Variants in NRXN3 observed in about 807,000 individuals in gnomAD.
NRXN3 encodes the protein neurexin III.
A neutral mutation model predicts 137.6 loss-of-function variants in NRXN3; 32 were observed. The observed-to-expected ratio is 0.23, with a 90% CI of 0.18 to 0.31. The LOEUF is 0.31. NRXN3 is among the 10% of genes least tolerant of loss of function. The pLI, the probability that NRXN3 is intolerant of heterozygous loss-of-function variation, is 1.00. For synonymous variants in NRXN3, 798 were observed against 784.5 expected, an observed-to-expected ratio of 1.02 and a Z score of -0.29; for missense variants, 1,574 against 2,062.5, an observed-to-expected ratio of 0.76 and a Z score of 4.59.
intron 4 of NRXN3, among the ~76,000 whole-genome samples, chr14:78,616,727 A>G (rs1410221835): frequency 1.3e-5 from 2 of 152,222 alleles, no homozygotes; most frequent in Non-Finnish European, 2.9e-5. Flanking sequence ...GGCAAGGGTG[A>G]TGTGAGATAA....
At chr14:78,808,310 C>G (rs1452695249) in intron 9 of NRXN3, among the ~76,000 whole-genome samples, 2 of 152,220 alleles carry the variant, frequency 1.3e-5, no homozygotes, top group Non-Finnish European at 2.9e-5. Flanking sequence ...GCCACCACCT[C>G]TCACTAGGCC....
chr14:78,840,142 G>C (rs1409580870), intron 10 of NRXN3, among the ~76,000 whole-genome samples: 1 of 152,172 alleles, frequency 6.6e-6, no homozygotes, highest in Non-Finnish European at 1.5e-5. Flanking sequence ...TATTTGAGTA[G>C]TGAGAATTAA....
rs117672717 is a variant in NRXN3, at chr14:78,220,061, C to T, written c.-703-22330C>T. 5.9e-4 allele frequency among the ~76,000 whole-genome samples: 89 copies of T among 151,982 alleles called. No homozygotes were observed. The East Asian group carries it at 0.015, about 26-fold the overall frequency. ...AGTGTGAGAGAGAGGAGATGAAGAG[C>T]GTGGGATAATGCCCAGGTTGCTAGC... is the stretch of plus-strand genomic sequence containing the variant. On this transcript the variant is annotated intron_variant, in intron 1 of 20. Transcript: ENST00000335750.
At chr14:78,509,416 T>C (rs1421453143) in intron 4 of NRXN3, among the ~76,000 whole-genome samples, 1 of 152,216 alleles carries the variant, frequency 6.6e-6, no homozygotes, top group Non-Finnish European at 1.5e-5. Context: ...TTTGAAAATC[T>C]AAATGAGACT....
chr14:79,539,866 A>G (rs1016575314), intron 16 of NRXN3, among the ~76,000 whole-genome samples: 19 of 151,960 alleles, frequency 1.3e-4, no homozygotes, highest in Admixed American at 1.2e-3. Flanking sequence ...TTGATTCCTC[A>G]TGTTTCTGTC....
At chr14:79,546,744 T>C (rs947177036) in intron 16 of NRXN3, among the ~76,000 whole-genome samples, 1 of 152,144 alleles carries the variant, frequency 6.6e-6, no homozygotes, top group African/African-American at 2.4e-5. Flanking sequence ...ATATACACAT[T>C]TATCACTCAA....
At chr14:79,267,563 G>C (rs1184589009) in intron 15 of NRXN3, among the ~76,000 whole-genome samples, 1 of 151,774 alleles carries the variant, frequency 6.6e-6, no homozygotes, top group Non-Finnish European at 1.5e-5. Flanking sequence ...TCACCATGTT[G>C]GCCAGGCTGG....
In NRXN3 at chr14:79,502,516, C is replaced by T. The variant is rs921558654; in HGVS notation, c.3444+35114C>T. Among the ~76,000 whole-genome samples the T allele has an allele frequency of 6.5e-4, 98 of 151,638 alleles. 1 individual carries two copies. The Middle Eastern group carries it at 0.027, about 42-fold the overall frequency. ...CATTCATATTCTCTCTCTCGCCACA[C>T]CCCCCACCCCACCTCCTCCCGCCTC... On this transcript the variant is annotated intron_variant, in intron 16 of 20. Transcript: ENST00000335750.
intron 11 of NRXN3, among the ~76,000 whole-genome samples, chr14:78,962,518 T>A (rs1442046543): frequency 6.6e-6 from 1 of 152,132 alleles, no homozygotes; most frequent in Admixed American, 6.5e-5. Context: ...AGTGAAAGGT[T>A]TCCATCACTA....
At chr14:79,370,248 T>C (rs1254926089) in intron 15 of NRXN3, among the ~76,000 whole-genome samples, 2 of 152,138 alleles carry the variant, frequency 1.3e-5, no homozygotes, top group Admixed American at 1.3e-4. Context: ...ATAACTATTA[T>C]AATCTCTGTT....
At chr14:79,085,731 A>C (rs1243128019) in intron 15 of NRXN3, among the ~76,000 whole-genome samples, 1 of 152,054 alleles carries the variant, frequency 6.6e-6, no homozygotes, top group South Asian at 2.1e-4. Context: ...AAACGAGGAG[A>C]GAGAGGGAAA....
At chr14:78,315,783 A>T (rs191419514) in intron 4 of NRXN3, among the ~76,000 whole-genome samples, 3 of 152,312 alleles carry the variant, frequency 2.0e-5, no homozygotes, top group Admixed American at 1.3e-4. Flanking sequence ...TTATCGTCTA[A>T]AAAGGGACAC....
At chr14:78,251,522 C>T (rs888392455) in intron 2 of NRXN3, among the ~76,000 whole-genome samples, 7 of 152,160 alleles carry the variant, frequency 4.6e-5, no homozygotes, top group Admixed American at 2.0e-4. Context: ...TGTTGCTGTC[C>T]GTGACAGCAA....
intron 16 of NRXN3, among the ~76,000 whole-genome samples, chr14:79,581,055 T>C (rs1174919289): frequency 1.3e-5 from 2 of 152,144 alleles, no homozygotes; most frequent in Admixed American, 1.3e-4. Context: ...TCCGTGGTCC[T>C]GTTAGGGCAC....
In NRXN3 at chr14:79,775,880, G is replaced by T. The variant is rs115791835; in HGVS notation, c.4015-29232G>T. Among the ~76,000 whole-genome samples, 498 of 152,308 alleles carry T rather than the reference G, an allele frequency of 3.3e-3. 1 individual carries two copies. The highest frequency in any genetic ancestry group is 0.011 in the African/African-American group (466 of 41,564). On this transcript the variant is annotated intron_variant, in intron 19 of 20. Transcript: ENST00000335750. ...GTTTCCAGGCTGTACTTGATAGTTGGTAAGGATCAAACAATACCCTCACAT... is the reference window on the plus strand; with the variant it reads ...GTTTCCAGGCTGTACTTGATAGTTGTTAAGGATCAAACAATACCCTCACAT...
chr14:79,446,467 T>A (rs933130542), intron 15 of NRXN3, among the ~76,000 whole-genome samples: 3 of 152,216 alleles, frequency 2.0e-5, no homozygotes, highest in Non-Finnish European at 4.4e-5. Context: ...ATATTTGTTC[T>A]ATGTATTCAT....
At chr14:78,796,264 C>T (rs2098821446) in intron 8 of NRXN3, among the ~76,000 whole-genome samples, 1 of 152,182 alleles carries the variant, frequency 6.6e-6, no homozygotes, top group Non-Finnish European at 1.5e-5. Flanking sequence ...GCTGAAAAGG[C>T]CAGAGTCCAC....
chr14:79,100,352 G>A (rs2051048343), intron 15 of NRXN3, among the ~76,000 whole-genome samples: 1 of 152,178 alleles, frequency 6.6e-6, no homozygotes, highest in Non-Finnish European at 1.5e-5. Flanking sequence ...TCAATTTCAA[G>A]TTAATATCTA....
chr14:79,438,034 G>C (rs1416920374), intron 15 of NRXN3, among the ~76,000 whole-genome samples: 1 of 152,120 alleles, frequency 6.6e-6, no homozygotes, highest in Admixed American at 6.6e-5. Context: ...GCAATAGCCA[G>C]CATGGCTTGT....
Sources: allele counts gnomAD v4.1 joint callset (sites outside exome capture counted in the v4.1 genomes callset), GRCh38; gene constraint gnomAD v4.1.1; transcripts MANE v1.5; gene names NCBI Gene and HGNC (gene_info 2026-07-23, HGNC 2026-07-21).